Variants in PLPP1 observed in about 807,000 individuals in gnomAD.
The protein encoded by PLPP1 is lipid phosphate phosphohydrolase 1a.
In PLPP1, 24 loss-of-function variants were observed where a neutral mutation model predicts 31.2. That is an observed-to-expected ratio of 0.77 (90% CI 0.56 to 1.08). The LOEUF (loss-of-function observed/expected upper bound fraction) is 1.08. Ranked by LOEUF, PLPP1 falls within the 50% of genes least tolerant of loss-of-function variation. The probability of loss-of-function intolerance (pLI) is 0.00; values close to 1 mark genes in which losing one functional copy is unlikely to be tolerated. For synonymous variants in PLPP1, 146 were observed against 126.3 expected (o/e 1.16, Z -1.05); for missense variants, 319 against 342.7 (o/e 0.93, Z 0.55).
chr5:55,449,633 C>T (rs948576083), intron 3 of PLPP1, among the ~76,000 whole-genome samples: 1 of 151,956 alleles, frequency 6.6e-6, no homozygotes, highest in African/African-American at 2.4e-5. Flanking sequence ...TTATAAATAC[C>T]GCATGTTTTG....
At chr5:55,475,207 T>A (rs1259974581) in intron 2 of PLPP1, 92 bp downstream of exon 2, 6 of 1,128,532 alleles carry the variant, frequency 5.3e-6, no homozygotes, top group Non-Finnish European at 7.3e-6. Flanking sequence ...ACATTGTTTT[T>A]GGAGGATTAC....
chr5:55,496,599 T>A (rs575768224), intron 1 of PLPP1, among the ~76,000 whole-genome samples: 1 of 152,378 alleles, frequency 6.6e-6, no homozygotes, highest in African/African-American at 2.4e-5. Context: ...ACTTGTTTCA[T>A]TTAATCCTCT....
In PLPP1 at chr5:55,425,195, C is replaced by G. The variant is rs749180875; in HGVS notation, c.*11G>C. 6.2e-7 allele frequency: 1 copy of G among 1,610,906 alleles called. No homozygotes were observed. Among genetic ancestry groups the G allele is most frequent in the South Asian group, 1.1e-5 (1 of 90,604 alleles). ...AAACAGGCCAGCTTCACCTGGGCAC[C>G]CTGCTGCCTTTCAAGGCTGGTGATT... On this transcript the variant is annotated 3_prime_UTR_variant, in exon 6 of 6. Coordinates refer to ENST00000307259, the MANE Select transcript of PLPP1 (RefSeq NM_003711.4).
intron 3 of PLPP1, among the ~76,000 whole-genome samples, chr5:55,445,535 CTTTTTTTTTTTTTT>C (rs753276317): frequency 1.3e-5 from 1 of 79,622 alleles, no homozygotes; most frequent in Non-Finnish European, 2.3e-5. Flanking sequence ...TGCATTCACT[CTTTTTTTTTTTTTT>C]TTTTTTTTTT....
At position 55,534,935 on chromosome 5, in the gene PLPP1, C is replaced by A. The variant is rs1416126836; in HGVS notation, c.-306G>T. The A allele has an allele frequency of 2.6e-6, 1 of 390,200 alleles. No homozygotes were observed. Among genetic ancestry groups the A allele is most frequent in the Admixed American group, 4.9e-5 (1 of 20,444 alleles). The allele number at this position is 390,200 out of a possible 1,614,324, so 24.2% of individuals were successfully genotyped here. On this transcript the variant is annotated 5_prime_UTR_variant, in exon 1 of 6. Transcript: ENST00000307259. ...CAGCCGGCACGGCCTGCCCCGGTTGCTCCCCGTCCGGATCCCGGCGCTCTC... is the reference window on the plus strand; with the variant it reads ...CAGCCGGCACGGCCTGCCCCGGTTGATCCCCGTCCGGATCCCGGCGCTCTC...
chr5:55,476,176 T>G (rs1752546877), intron 1 of PLPP1, among the ~76,000 whole-genome samples: 1 of 151,148 alleles, frequency 6.6e-6, no homozygotes, highest in Non-Finnish European at 1.5e-5. Flanking sequence ...TTTTTTTTTG[T>G]TTTTTGTTTG....
intron 1 of PLPP1, among the ~76,000 whole-genome samples, chr5:55,495,122 A>T (rs1752978306): frequency 7.5e-6 from 1 of 132,680 alleles, no homozygotes; most frequent in Admixed American, 8.2e-5. Flanking sequence ...CAAGAGCAAA[A>T]CTCTGTCTCC....
At chr5:55,477,009 ATACTTCTAGTAATGC>A (rs1385290096) in intron 1 of PLPP1, among the ~76,000 whole-genome samples, 109 of 150,298 alleles carry the variant, frequency 7.3e-4, no homozygotes, top group African/African-American at 2.5e-3. Flanking sequence ...TCCCAAAGCT[ATACTTCTAGTAATGC>A]TACGCCTTAA....
At position 55,534,861 on chromosome 5, in the gene PLPP1, G is replaced by A; in HGVS notation, c.-232C>T. 2.0e-6 allele frequency: 1 copy of A among 508,242 alleles called. No individual in the cohort carries two copies. The highest frequency in any genetic ancestry group is 3.4e-6 in the Non-Finnish European group (1 of 290,338). 31.5% of individuals were successfully genotyped at this position (508,242 alleles called of 1,614,324 possible). ...CCCCCGCGAACACTCGGTTAGTGCC[G>A]AGGCGCTCGTGTGCCAGCCGCGGCA... On this transcript the variant is annotated 5_prime_UTR_variant, in exon 1 of 6. Coordinates refer to ENST00000307259, the MANE Select transcript of PLPP1 (RefSeq NM_003711.4).
At chr5:55,444,332 C>T (rs1400360482) in intron 3 of PLPP1, among the ~76,000 whole-genome samples, 1 of 152,160 alleles carries the variant, frequency 6.6e-6, no homozygotes, top group African/African-American at 2.4e-5. Flanking sequence ...CCGTCGCCCT[C>T]GGCCTCCCAA....
intron 3 of PLPP1, among the ~76,000 whole-genome samples, chr5:55,465,954 T>C (rs1752284075): frequency 6.6e-6 from 1 of 152,230 alleles, no homozygotes; most frequent in South Asian, 2.1e-4. Context: ...GAATGAGATC[T>C]ACACAGCCCA....
chr5:55,489,983 G>C (rs909425720), intron 1 of PLPP1, among the ~76,000 whole-genome samples: 3 of 152,076 alleles, frequency 2.0e-5, no homozygotes, highest in African/African-American at 7.2e-5. Context: ...CAAGGGTAAA[G>C]AAAGTAGGCA....
chr5:55,426,897 G>A (rs1751212307), intron 4 of PLPP1, among the ~76,000 whole-genome samples: 2 of 152,104 alleles, frequency 1.3e-5, no homozygotes, highest in South Asian at 4.1e-4. Flanking sequence ...TTGTAGTTTA[G>A]TTATGATCCA....
chr5:55,517,924 C>T (rs556412258), intron 1 of PLPP1, among the ~76,000 whole-genome samples: 142 of 152,306 alleles, frequency 9.3e-4, no homozygotes, highest in Middle Eastern at 6.8e-3. Context: ...CTCAGCTCAC[C>T]GCAACCTCTG....
chr5:55,425,370 C>T, intron 5 of PLPP1, 36 bp from the exon 6 acceptor site: 11 of 1,535,636 alleles, frequency 7.2e-6, no homozygotes, highest in Non-Finnish European at 9.7e-6. Flanking sequence ...TAATTTAGAT[C>T]AAGTTAAAAA....
chr5:55,427,003 T>TC (rs1170696247), intron 4 of PLPP1, among the ~76,000 whole-genome samples: 1 of 152,114 alleles, frequency 6.6e-6, no homozygotes, highest in Admixed American at 6.5e-5. Flanking sequence ...AATTCCCCTT[T>TC]CTCATGTCAG....
intron 1 of PLPP1, among the ~76,000 whole-genome samples, chr5:55,495,660 C>T (rs922369408): frequency 6.6e-6 from 1 of 151,930 alleles, no homozygotes; most frequent in Non-Finnish European, 1.5e-5. Flanking sequence ...TGTTCAATAT[C>T]GGGTTGTCAT....
chr5:55,487,795 G>T (rs1752804591), intron 1 of PLPP1, among the ~76,000 whole-genome samples: 1 of 151,952 alleles, frequency 6.6e-6, no homozygotes, highest in African/African-American at 2.4e-5. Flanking sequence ...CACATTTAAG[G>T]CCCAGAAACT....
rs1752691284 is a variant in PLPP1 at position 55,482,439 on chromosome 5, T to C, written c.59-6989A>G. Among the ~76,000 whole-genome samples, 3 of 152,296 alleles carry C rather than the reference T, an allele frequency of 2.0e-5. No homozygotes were observed. The South Asian group carries it at 6.2e-4, about 32-fold the overall frequency. On this transcript the variant is annotated intron_variant, in intron 1 of 5. Coordinates refer to ENST00000307259, the MANE Select transcript of PLPP1 (RefSeq NM_003711.4). Reference sequence around the variant, plus strand: ...TTTTGTAGTTTTTCATAAAATTTTCTACCTCAAGTTATTAAACACCTATTA... The same window carrying C: ...TTTTGTAGTTTTTCATAAAATTTTCCACCTCAAGTTATTAAACACCTATTA...
Sources: allele counts gnomAD v4.1 joint callset (sites outside exome capture counted in the v4.1 genomes callset), GRCh38; gene constraint gnomAD v4.1.1; transcripts MANE v1.5; gene names NCBI Gene and HGNC (gene_info 2026-07-23, HGNC 2026-07-21).